CD8B: variants seen among roughly 807,000 people sequenced by gnomAD.
CD8B encodes the protein T-cell surface glycoprotein CD8 beta chain.
CD8B carries 6 observed loss-of-function variants against 24.2 expected under a neutral mutation model. That is an observed-to-expected ratio of 0.25 (90% CI 0.14 to 0.49). The LOEUF (loss-of-function observed/expected upper bound fraction) is 0.49, where lower values mean the gene tolerates loss of function less well. Among genes scored for constraint, CD8B ranks in the 20% least tolerant of loss-of-function variants. The pLI, the probability that CD8B is intolerant of heterozygous loss-of-function variation, is 0.98. For missense variants in CD8B, 196 were observed against 271.3 expected (o/e 0.72, Z 1.95); for synonymous variants, 84 against 108.3 (o/e 0.78, Z 1.39).
chr2:86,832,175 A>T (rs921829009), intron 5 of CD8B, among the ~76,000 whole-genome samples: 1 of 152,226 alleles, frequency 6.6e-6, no homozygotes, highest in Non-Finnish European at 1.5e-5. Flanking sequence ...GAGTGATTAT[A>T]AAACTAAAAA....
chr2:86,835,028 TC>T (rs1675120296), downstream of CD8B, among the ~76,000 whole-genome samples: 1 of 149,792 alleles, frequency 6.7e-6, no homozygotes, highest in South Asian at 2.1e-4. Context: ...ACAGGCGCAC[TC>T]TGAAATTACA....
chr2:86,844,537 G>A, intron 5 of CD8B: 1 of 1,014,774 alleles, frequency 9.9e-7, no homozygotes, highest in South Asian at 1.4e-5. Context: ...CTCTCCTCAG[G>A]AGAGCTAAGA....
In CD8B at chr2:86,822,249, A is replaced by C. The variant is rs1242155771; in HGVS notation, c.621-6531T>G. 6 of 804,702 alleles carry C rather than the reference A, an allele frequency of 7.5e-6. No individual in the cohort carries two copies. In the South Asian group the frequency reaches 1.0e-4, roughly 14 times the overall value. 49.8% of individuals were successfully genotyped at this position (804,702 alleles called of 1,614,324 possible). On this transcript the variant is annotated intron_variant, in intron 5 of 5. Transcript: ENST00000331469. ...TACCCCAGCAGGAAAAAAAAAAAAG[A>C]TGATATCTGTTTCAGGTAAGAGTCA...
At chr2:86,842,537 G>A (rs2104541801) in intron 5 of CD8B, among the ~76,000 whole-genome samples, 1 of 152,236 alleles carries the variant, frequency 6.6e-6, no homozygotes, top group Admixed American at 6.5e-5. Context: ...CTCAAAGAAC[G>A]GTAGCTTTGA....
chr2:86,827,305 C>T (rs974100110), intron 5 of CD8B, among the ~76,000 whole-genome samples: 12 of 150,788 alleles, frequency 8.0e-5, no homozygotes, highest in Admixed American at 1.3e-4. Flanking sequence ...CCTGAGAGTT[C>T]GGGTTTTATG....
chr2:86,819,248 A>G lies in CD8B; in HGVS notation c.621-3530T>C, dbSNP rs756598134. Among the ~76,000 whole-genome samples the G allele has an allele frequency of 3.9e-5, 6 of 152,218 alleles. No homozygotes were observed. In the South Asian group the frequency reaches 1.2e-3, roughly 32 times the overall value. On this transcript the variant is annotated intron_variant, in intron 5 of 5. Coordinates refer to the CD8B transcript ENST00000331469. ...TGCTGCAGCACAGCAGGTTATCCAAAAGAGCTTTCTAAGATTATTGACAAA... is the reference window on the plus strand; with the variant it reads ...TGCTGCAGCACAGCAGGTTATCCAAGAGAGCTTTCTAAGATTATTGACAAA...
At chr2:86,856,200 A>AGGGGTTT (rs1485123909) in intron 2 of CD8B, among the ~76,000 whole-genome samples, 1 of 152,050 alleles carries the variant, frequency 6.6e-6, no homozygotes, top group Non-Finnish European at 1.5e-5. Flanking sequence ...TAGTGCTGGG[A>AGGGGTTT]GGGGTTTGGG....
chr2:86,842,589 A>C (rs201211233), intron 5 of CD8B, among the ~76,000 whole-genome samples: 1,815 of 152,272 alleles, frequency 0.012, 42 homozygotes, highest in East Asian at 0.11. Flanking sequence ...AATCTAAGAG[A>C]ATCACAAATT....
intron 4 of CD8B, among the ~76,000 whole-genome samples, chr2:86,846,451 G>A (rs1675680345): frequency 1.3e-5 from 2 of 152,092 alleles, no homozygotes; most frequent in African/African-American, 4.8e-5. Context: ...ACTGGATCAG[G>A]AAACAGCCAC....
At chr2:86,829,394 C>T (rs1018464800) in intron 5 of CD8B, among the ~76,000 whole-genome samples, 2 of 152,028 alleles carry the variant, frequency 1.3e-5, no homozygotes, top group African/African-American at 2.4e-5. Flanking sequence ...CGTGAGCCAC[C>T]GCGCCTGGCT....
chr2:86,835,371 G>T (rs899424562), downstream of CD8B, among the ~76,000 whole-genome samples: 1 of 150,640 alleles, frequency 6.6e-6, no homozygotes, highest in Admixed American at 6.6e-5. Flanking sequence ...GTAGGTACTC[G>T]GATAGAGGCA....
intron 5 of CD8B, among the ~76,000 whole-genome samples, chr2:86,832,216 C>G (rs746996739): frequency 2.0e-5 from 3 of 152,124 alleles, no homozygotes; most frequent in Admixed American, 6.5e-5. Context: ...CAGTGGCTCA[C>G]GCCTGTAATC....
In CD8B at chr2:86,858,037, G is replaced by T. The variant is rs760885904; in HGVS notation, c.403+20C>A. 3 of 1,611,376 alleles carry T rather than the reference G, an allele frequency of 1.9e-6. No homozygotes were observed. Among genetic ancestry groups the T allele is most frequent in the Non-Finnish European group, 1.7e-6 (2 of 1,177,870 alleles). On this transcript the variant is annotated intron_variant, in intron 2 of 5. Coordinates refer to ENST00000390655, the MANE Select transcript of CD8B (RefSeq NM_004931.5). ...GGCACACAATCGGTGCTCACTGATA[G>T]CATTGAGCCTGCTTCTTACCCACAC...
At chr2:86,833,514 C>CTCCCCTCCCCTCCGCTCTCA (rs1675019616), downstream of CD8B, among the ~76,000 whole-genome samples, 1 of 138,250 alleles carries the variant, frequency 7.2e-6, no homozygotes, top group South Asian at 2.6e-4. Flanking sequence ...CTCCGCTCTC[C>CTCCCCTCCCCTCCGCTCTCA]TCCCCTCCCC....
chr2:86,836,570 G>A (rs151059255), downstream of CD8B, among the ~76,000 whole-genome samples: 1,002 of 152,270 alleles, frequency 6.6e-3, 9 homozygotes, highest in African/African-American at 0.023. Context: ...AGGATCGCTT[G>A]AGCTCAGGAG....
At position 86,816,304 on chromosome 2, in the gene CD8B, TCTC is replaced by T. The variant is rs370356708; in HGVS notation, c.621-589_621-587del. On this transcript the variant is annotated intron_variant, in intron 5 of 5. Transcript: ENST00000331469. ...TAGAGAATTTATTCTGATGGAAACT[TCTC>T]CTCCGGGGTACTTTATAATGGACAT... Among the ~76,000 whole-genome samples, 236 of 152,224 alleles carry T rather than the reference TCTC, an allele frequency of 1.6e-3. 8 individuals are homozygous for T. The South Asian group carries it at 0.048, about 31-fold the overall frequency.
At chr2:86,832,703 G>T (rs1277970284) in intron 5 of CD8B, among the ~76,000 whole-genome samples, 1 of 151,746 alleles carries the variant, frequency 6.6e-6, no homozygotes, top group African/African-American at 2.4e-5. Flanking sequence ...TTTGTAAGCT[G>T]CCCCAAATCC....
At chr2:86,837,124 T>A (rs1675207585), downstream of CD8B, among the ~76,000 whole-genome samples, 1 of 152,180 alleles carries the variant, frequency 6.6e-6, no homozygotes, top group South Asian at 2.1e-4. Flanking sequence ...GCCACTACAC[T>A]CCACCCTGGG....
chr2:86,859,530 T>C (rs1402676846), intron 1 of CD8B, among the ~76,000 whole-genome samples: 1 of 152,194 alleles, frequency 6.6e-6, no homozygotes, highest in African/African-American at 2.4e-5. Flanking sequence ...AAGCACACTG[T>C]AAACTGTATG....
Sources: allele counts gnomAD v4.1 joint callset (sites outside exome capture counted in the v4.1 genomes callset), GRCh38; gene constraint gnomAD v4.1.1; transcripts MANE v1.5; gene names NCBI Gene and HGNC (gene_info 2026-07-23, HGNC 2026-07-21).